The following ANKS1B variants were observed in gnomAD, a reference collection of about 807,000 sequenced individuals.
ANKS1B encodes ankyrin repeat and sterile alpha motif domain containing 1B.
A neutral mutation model predicts 148.3 loss-of-function variants in ANKS1B; 36 were observed. The ratio of observed to expected loss-of-function variants is 0.24; its 90% CI spans 0.19 to 0.32. The LOEUF (loss-of-function observed/expected upper bound fraction) is 0.32, where lower values mean the gene tolerates loss of function less well. Among genes scored for constraint, ANKS1B ranks in the 10% least tolerant of loss-of-function variants. The pLI is 1.00. For missense variants in ANKS1B, 1,157 were observed against 1,542.6 expected (o/e 0.75, Z 4.19); for synonymous variants, 542 against 560.8 (o/e 0.97, Z 0.47).
chr12:98,987,454 A>T (rs2099924138), intron 17 of ANKS1B, among the ~76,000 whole-genome samples: 1 of 152,162 alleles, frequency 6.6e-6, no homozygotes, highest in African/African-American at 2.4e-5. Context: ...CAATAGTAGC[A>T]AAATAATAAC....
At chr12:99,597,796 C>T (rs986519264) in intron 9 of ANKS1B, among the ~76,000 whole-genome samples, 24 of 152,104 alleles carry the variant, frequency 1.6e-4, no homozygotes, top group African/African-American at 5.5e-4. Flanking sequence ...GAGATCAAGG[C>T]ACATGAAAGG....
intron 8 of ANKS1B, among the ~76,000 whole-genome samples, chr12:99,741,598 A>G (rs1418557202): frequency 6.6e-6 from 1 of 152,172 alleles, no homozygotes; most frequent in Non-Finnish European, 1.5e-5. Context: ...CTTTGCAGCG[A>G]CATGGATGAA....
intron 8 of ANKS1B, among the ~76,000 whole-genome samples, chr12:99,735,187 G>C (rs1192991063): frequency 6.6e-6 from 1 of 152,068 alleles, no homozygotes; most frequent in African/African-American, 2.4e-5. Flanking sequence ...CAAATAATCA[G>C]TCTAATGATG....
intron 15 of ANKS1B, among the ~76,000 whole-genome samples, chr12:99,091,779 C>G (rs1003415992): frequency 7.7e-6 from 1 of 130,676 alleles, no homozygotes; most frequent in African/African-American, 2.9e-5. Context: ...CCATATATTA[C>G]TTTATTTAAT....
chr12:99,302,594 G>C (rs1005059183), intron 12 of ANKS1B, among the ~76,000 whole-genome samples: 3 of 152,052 alleles, frequency 2.0e-5, no homozygotes, highest in Non-Finnish European at 4.4e-5. Flanking sequence ...GATATGTTAG[G>C]CACATGAATT....
intron 17 of ANKS1B, among the ~76,000 whole-genome samples, chr12:99,021,867 C>A (rs927653256): frequency 6.6e-6 from 1 of 152,152 alleles, no homozygotes; most frequent in Non-Finnish European, 1.5e-5. Context: ...ACGAAATAAT[C>A]TCATACAGTG....
chr12:99,677,613 C>T (rs2098585371), intron 8 of ANKS1B, among the ~76,000 whole-genome samples: 1 of 152,160 alleles, frequency 6.6e-6, no homozygotes, highest in African/African-American at 2.4e-5. Context: ...ATCAAAATGA[C>T]CCAGTCAAAT....
chr12:99,662,146 C>T (rs2098480904), intron 8 of ANKS1B, among the ~76,000 whole-genome samples: 1 of 152,138 alleles, frequency 6.6e-6, no homozygotes, highest in African/African-American at 2.4e-5. Context: ...TTGTTATTTG[C>T]TATTGTGTCA....
At chr12:99,571,447 A>T (rs1480399205) in intron 9 of ANKS1B, among the ~76,000 whole-genome samples, 2 of 152,074 alleles carry the variant, frequency 1.3e-5, no homozygotes, top group African/African-American at 4.8e-5. Context: ...AAAAAGTAGT[A>T]TCTGATTCAG....
At chr12:99,001,172 T>C (rs2099932767) in intron 17 of ANKS1B, among the ~76,000 whole-genome samples, 1 of 152,188 alleles carries the variant, frequency 6.6e-6, no homozygotes, top group African/African-American at 2.4e-5. Flanking sequence ...TCTCGCTCTG[T>C]TGCCCGGGCT....
In ANKS1B at chr12:99,620,125, C is replaced by T. The variant is rs1224167041; in HGVS notation, c.1272+34942G>A. ...ACCCTGCCAACAGAAGAGCACAGGG[C>T]TGTAGAAGCAAAGCCAAAACACCCT... On this transcript the variant is annotated intron_variant, in intron 9 of 26. Coordinates refer to ENST00000683438, the MANE Select transcript of ANKS1B (RefSeq NM_001352186.2). Among the ~76,000 whole-genome samples, 3 of 152,140 alleles carry T rather than the reference C, an allele frequency of 2.0e-5. No homozygotes were observed. In the East Asian group the frequency reaches 5.8e-4, roughly 29 times the overall value.
chr12:99,477,511 T>C (rs1159275129), intron 10 of ANKS1B, among the ~76,000 whole-genome samples: 1 of 152,164 alleles, frequency 6.6e-6, no homozygotes, highest in Non-Finnish European at 1.5e-5. Flanking sequence ...CATGGCTCCA[T>C]ACTTAACTAG....
chr12:99,804,472 T>C (rs1419448187), intron 4 of ANKS1B, among the ~76,000 whole-genome samples: 1 of 152,130 alleles, frequency 6.6e-6, no homozygotes, highest in Non-Finnish European at 1.5e-5. Flanking sequence ...TACTAAATAA[T>C]GCAGGCAAAG....
At chr12:99,741,340 T>A (rs1405797321) in intron 8 of ANKS1B, among the ~76,000 whole-genome samples, 2 of 152,014 alleles carry the variant, frequency 1.3e-5, no homozygotes, top group Admixed American at 1.3e-4. Flanking sequence ...AGTGTGGCAA[T>A]TCCTCAAGGA....
chr12:98,908,643 G>A (rs769749984), intron 17 of ANKS1B, among the ~76,000 whole-genome samples: 12 of 152,134 alleles, frequency 7.9e-5, no homozygotes, highest in Non-Finnish European at 1.3e-4. Flanking sequence ...AAATCTTTTG[G>A]TAAGCTGCTT....
At chr12:99,931,045 A>G (rs1449820290) in intron 1 of ANKS1B, among the ~76,000 whole-genome samples, 1 of 152,196 alleles carries the variant, frequency 6.6e-6, no homozygotes, top group African/African-American at 2.4e-5. Context: ...CTTTGTAGGG[A>G]CATGGATGAA....
intron 12 of ANKS1B, among the ~76,000 whole-genome samples, chr12:99,285,775 T>C (rs962972815): frequency 3.9e-5 from 6 of 152,084 alleles, no homozygotes; most frequent in Admixed American, 3.9e-4. Context: ...GCAGTAATTG[T>C]GGGACTTTGC....
chr12:99,653,378 C>T (rs575334957), intron 9 of ANKS1B, among the ~76,000 whole-genome samples: 3 of 152,208 alleles, frequency 2.0e-5, no homozygotes, highest in Admixed American at 1.3e-4. Context: ...TTTACAAATG[C>T]AGTTTTATGA....
At position 99,798,162 on chromosome 12, in the gene ANKS1B, A is replaced by G. The variant is rs1196800922; in HGVS notation, c.669+8242T>C. 5.3e-5 allele frequency among the ~76,000 whole-genome samples: 8 copies of G among 152,002 alleles called. No individual in the cohort carries two copies. In the East Asian group the frequency reaches 1.5e-3, roughly 29 times the overall value. ...GAAGCCTGCGAAAGAGAATAATGAG[A>G]TAAAGACCGATTCTTGATTAAAGGA... is the stretch of plus-strand genomic sequence containing the variant. On this transcript the variant is annotated intron_variant, in intron 4 of 26. Transcript: ENST00000683438.
Sources: allele counts gnomAD v4.1 joint callset (sites outside exome capture counted in the v4.1 genomes callset), GRCh38; gene constraint gnomAD v4.1.1; transcripts MANE v1.5; gene names NCBI Gene and HGNC (gene_info 2026-07-23, HGNC 2026-07-21).